The following ANXA10 variants were observed in gnomAD, a reference collection of about 807,000 sequenced individuals.
The protein encoded by ANXA10 is annexin A10.
Under a neutral mutation model 53.5 loss-of-function variants are expected in ANXA10, and 49 were observed. The ratio of observed to expected loss-of-function variants is 0.92; its 90% CI spans 0.73 to 1.16. The LOEUF (loss-of-function observed/expected upper bound fraction) is 1.16, where lower values mean the gene tolerates loss of function less well. Among genes scored for constraint, ANXA10 ranks in the 50% most tolerant of loss-of-function variants. The pLI, the probability that ANXA10 is intolerant of heterozygous loss-of-function variation, is 0.00. For synonymous variants in ANXA10, 131 were observed against 128.9 expected (o/e 1.02, Z -0.11); for missense variants, 393 against 394.4 (o/e 1.00, Z 0.03).
At chr4:168,155,845 TATA>T (rs1259284397) in intron 3 of ANXA10, among the ~76,000 whole-genome samples, 44 of 23,376 alleles carry the variant, frequency 1.9e-3, no homozygotes, top group African/African-American at 8.6e-3. Context: ...TCATATATAA[TATA>T]ATATATCATA....
At position 168,148,081 on chromosome 4, in the gene ANXA10, G is replaced by A. The variant is rs961868387; in HGVS notation, c.195+8501G>A. Among the ~76,000 whole-genome samples, 5 of 152,284 alleles carry A rather than the reference G, an allele frequency of 3.3e-5. No individual in the cohort carries two copies. The South Asian group carries it at 8.3e-4, about 25-fold the overall frequency. The stretch of plus-strand genomic sequence containing the variant: ...GACCCCATGTGTTTCAGCTTTGTGG[G>A]CCCTTGAGCCAGAGGTCAGAACCAC... On this transcript the variant is annotated intron_variant, in intron 3 of 11. Transcript: ENST00000359299.
In ANXA10 at chr4:168,109,800, A is replaced by C. The variant is rs145807938; in HGVS notation, c.18+17082A>C. ...ATTCAATGTCTTTATAAAACTAGGT[A>C]CTCCTGAGAAATTAAAAATTACCTT... On this transcript the variant is annotated intron_variant, in intron 1 of 11. Coordinates refer to ENST00000359299, the MANE Select transcript of ANXA10 (RefSeq NM_007193.5). Among the ~76,000 whole-genome samples, 49 of 152,330 alleles carry C rather than the reference A, an allele frequency of 3.2e-4. No individual in the cohort carries two copies. The East Asian group carries it at 9.2e-3, about 29-fold the overall frequency.
chr4:168,125,653 C>T (rs1231491634), intron 1 of ANXA10, among the ~76,000 whole-genome samples: 1 of 152,112 alleles, frequency 6.6e-6, no homozygotes, highest in Non-Finnish European at 1.5e-5. Context: ...ATTTTTTCAA[C>T]TTCACGTGCA....
chr4:168,123,947 T>G (rs899224754), intron 1 of ANXA10, among the ~76,000 whole-genome samples: 1 of 152,194 alleles, frequency 6.6e-6, no homozygotes, highest in South Asian at 2.1e-4. Flanking sequence ...ATCCAAATCC[T>G]TCTTCCTTTA....
intron 2 of ANXA10, among the ~76,000 whole-genome samples, chr4:168,129,069 T>A (rs2149469982): frequency 6.6e-6 from 1 of 152,144 alleles, no homozygotes; most frequent in Non-Finnish European, 1.5e-5. Context: ...ATAGACAACA[T>A]AAAAGAAATC....
chr4:168,175,189 G>A (rs1227441980), intron 6 of ANXA10, among the ~76,000 whole-genome samples: 1 of 152,174 alleles, frequency 6.6e-6, no homozygotes, highest in East Asian at 1.9e-4. Flanking sequence ...TGGAAGCCAA[G>A]TGATGAAAGT....
At chr4:168,186,153 A>T (rs1732365410) in intron 11 of ANXA10, among the ~76,000 whole-genome samples, 1 of 152,256 alleles carries the variant, frequency 6.6e-6, no homozygotes, top group African/African-American at 2.4e-5. Flanking sequence ...TGCTATGTAC[A>T]TTTAAAGTAC....
At chr4:168,166,892 A>T (rs1456556453) in intron 6 of ANXA10, among the ~76,000 whole-genome samples, 1 of 152,180 alleles carries the variant, frequency 6.6e-6, no homozygotes, top group Non-Finnish European at 1.5e-5. Flanking sequence ...ACAAAGCTGG[A>T]AGAGTAGGAC....
At chr4:168,172,054 T>G (rs564140035) in intron 6 of ANXA10, among the ~76,000 whole-genome samples, 2 of 152,356 alleles carry the variant, frequency 1.3e-5, no homozygotes, top group African/African-American at 4.8e-5. Context: ...ATCTTAGTTC[T>G]TTTCATTTCT....
At chr4:168,147,884 T>C (rs1329953604) in intron 3 of ANXA10, among the ~76,000 whole-genome samples, 1 of 152,028 alleles carries the variant, frequency 6.6e-6, no homozygotes, top group Non-Finnish European at 1.5e-5. Context: ...GCAGTAGAAG[T>C]TGGGGTAGAG....
At chr4:168,179,140 T>C in intron 8 of ANXA10, 77 bp from the exon 9 acceptor site, 2 of 894,076 alleles carry the variant, frequency 2.2e-6, no homozygotes, top group Non-Finnish European at 3.5e-6. Context: ...AATATGGATT[T>C]TTACTATGTG....
intron 1 of ANXA10, among the ~76,000 whole-genome samples, chr4:168,102,893 A>G (rs955714864): frequency 3.3e-5 from 5 of 152,118 alleles, no homozygotes; most frequent in Admixed American, 2.6e-4. Flanking sequence ...GCAATATATT[A>G]CAGTAGAATA....
At chr4:168,100,650 T>C (rs537271018) in intron 1 of ANXA10, among the ~76,000 whole-genome samples, 1 of 152,262 alleles carries the variant, frequency 6.6e-6, no homozygotes, top group African/African-American at 2.4e-5. Context: ...TGTGAAATTA[T>C]TTTGTCAAAC....
At chr4:168,125,383 C>G (rs943729250) in intron 1 of ANXA10, among the ~76,000 whole-genome samples, 1 of 152,160 alleles carries the variant, frequency 6.6e-6, no homozygotes, top group African/African-American at 2.4e-5. Context: ...TTGAAACCCA[C>G]ACTCCAGCAG....
intron 3 of ANXA10, among the ~76,000 whole-genome samples, chr4:168,156,522 A>G (rs1015977401): frequency 6.9e-5 from 10 of 145,344 alleles, no homozygotes; most frequent in Admixed American, 2.9e-4. Context: ...TGTTTTTTTG[A>G]GACGGAGTCT....
At chr4:168,171,765 C>G (rs372947865) in intron 6 of ANXA10, among the ~76,000 whole-genome samples, 3 of 152,130 alleles carry the variant, frequency 2.0e-5, no homozygotes, top group Admixed American at 6.6e-5. Context: ...TTTTATTACA[C>G]AGATTTATGA....
intron 6 of ANXA10, among the ~76,000 whole-genome samples, chr4:168,173,632 T>C (rs1015575549): frequency 3.9e-5 from 6 of 152,072 alleles, no homozygotes; most frequent in Non-Finnish European, 8.8e-5. Context: ...GTATTTTAGA[T>C]AGCAGCAGGA....
At chr4:168,093,970 C>T (rs1002968555) in intron 1 of ANXA10, among the ~76,000 whole-genome samples, 30 of 151,912 alleles carry the variant, frequency 2.0e-4, no homozygotes, top group Admixed American at 1.5e-3. Context: ...TTATATTTCA[C>T]TACAGAGAAA....
intron 2 of ANXA10, among the ~76,000 whole-genome samples, chr4:168,132,524 C>CA (rs1340915557): frequency 2.0e-5 from 3 of 151,790 alleles, no homozygotes; most frequent in Non-Finnish European, 2.9e-5. Flanking sequence ...TTCATGGGTA[C>CA]AAAAAATAGT....
Sources: gnomAD v4.1 joint callset for allele counts (sites outside exome capture counted in the v4.1 genomes callset) on GRCh38, gnomAD v4.1.1 for gene constraint, MANE v1.5 for transcripts, NCBI Gene and HGNC (gene_info 2026-07-23, HGNC 2026-07-21) for gene names.